The following CDH13 variants were observed in gnomAD, a reference collection of about 807,000 sequenced individuals.
The protein encoded by CDH13 is cadherin-13.
A neutral mutation model predicts 63.8 loss-of-function variants in CDH13; 24 were observed. The ratio of observed to expected loss-of-function variants is 0.38; its 90% CI spans 0.27 to 0.53. CDH13 has a LOEUF of 0.53. Among genes scored for constraint, CDH13 ranks in the 20% least tolerant of loss-of-function variants. The pLI, the probability that CDH13 is intolerant of heterozygous loss-of-function variation, is 0.85. For synonymous variants in CDH13, 503 were observed against 355.3 expected, an observed-to-expected ratio of 1.42 and a Z score of -4.67; for missense variants, 1,049 against 903.1, an observed-to-expected ratio of 1.16 and a Z score of -2.07.
intron 2 of CDH13, among the ~76,000 whole-genome samples, chr16:83,031,227 T>A (rs1479929134): frequency 6.8e-6 from 1 of 146,840 alleles, no homozygotes; most frequent in East Asian, 2.1e-4. Flanking sequence ...TACATGCGCA[T>A]GTATACACCA....
intron 1 of CDH13, among the ~76,000 whole-genome samples, chr16:82,749,469 C>G (rs1357240223): frequency 2.6e-5 from 4 of 152,136 alleles, no homozygotes; most frequent in Non-Finnish European, 5.9e-5. Context: ...TCACATATCT[C>G]CAGGTTCGGA....
At chr16:83,095,627 G>T (rs184758352) in intron 3 of CDH13, among the ~76,000 whole-genome samples, 1 of 152,148 alleles carries the variant, frequency 6.6e-6, no homozygotes, top group Admixed American at 6.5e-5. Flanking sequence ...AAAATCCTTG[G>T]CATATGGTAG....
At chr16:83,236,553 A>G (rs931573484) in intron 5 of CDH13, among the ~76,000 whole-genome samples, 3 of 152,162 alleles carry the variant, frequency 2.0e-5, no homozygotes, top group Non-Finnish European at 4.4e-5. Context: ...ATGGATGCCA[A>G]TGTGCCTTCC....
chr16:83,765,947 A>G (rs1914350859), intron 11 of CDH13, among the ~76,000 whole-genome samples: 1 of 152,178 alleles, frequency 6.6e-6, no homozygotes, highest in Non-Finnish European at 1.5e-5. Flanking sequence ...AAGGTTCAAC[A>G]GATGCACAGC....
chr16:83,592,413 T>C (rs1906846293), intron 7 of CDH13, among the ~76,000 whole-genome samples: 1 of 152,206 alleles, frequency 6.6e-6, no homozygotes. Context: ...TAGCAGTTAT[T>C]TGAGCCTAAT....
chr16:83,408,543 C>T (rs868165111), intron 6 of CDH13, among the ~76,000 whole-genome samples: 2 of 151,904 alleles, frequency 1.3e-5, no homozygotes, highest in South Asian at 2.1e-4. Context: ...GAAAAGATAC[C>T]ATAAAAATAC....
At chr16:83,116,018 C>G (rs995314174) in intron 3 of CDH13, among the ~76,000 whole-genome samples, 2 of 152,208 alleles carry the variant, frequency 1.3e-5, no homozygotes, top group Non-Finnish European at 1.5e-5. Flanking sequence ...AGGATCATTC[C>G]TCTCAAATCT....
intron 2 of CDH13, among the ~76,000 whole-genome samples, chr16:82,942,067 T>C (rs1412034071): frequency 6.6e-6 from 1 of 152,214 alleles, no homozygotes; most frequent in African/African-American, 2.4e-5. Flanking sequence ...TTATTTATTT[T>C]TCCTATCAGG....
At chr16:83,188,106 C>A (rs551847966) in intron 4 of CDH13, among the ~76,000 whole-genome samples, 2 of 152,206 alleles carry the variant, frequency 1.3e-5, no homozygotes, top group Admixed American at 1.3e-4. Context: ...TGGAGCCCAC[C>A]ATGAGGACTT....
chr16:83,737,102 T>A (rs1451002144), intron 10 of CDH13, among the ~76,000 whole-genome samples: 3 of 152,188 alleles, frequency 2.0e-5, no homozygotes, highest in African/African-American at 7.2e-5. Context: ...GCAGGCACGC[T>A]GGTAATTCAT....
chr16:83,046,663 C>T (rs920168654), intron 3 of CDH13, among the ~76,000 whole-genome samples: 1 of 152,142 alleles, frequency 6.6e-6, no homozygotes, highest in African/African-American at 2.4e-5. Context: ...GAAGGAGTAA[C>T]TACAGATATT....
At chr16:82,666,177 A>C (rs538285280) in intron 1 of CDH13, among the ~76,000 whole-genome samples, 1 of 152,156 alleles carries the variant, frequency 6.6e-6, no homozygotes, top group Non-Finnish European at 1.5e-5. Flanking sequence ...GAACCTGTTC[A>C]GGGAAGTTGG....
At chr16:83,611,990 T>C (rs1908900198) in intron 8 of CDH13, among the ~76,000 whole-genome samples, 1 of 152,052 alleles carries the variant, frequency 6.6e-6, no homozygotes, top group Non-Finnish European at 1.5e-5. Context: ...GTTAATTCTG[T>C]AGTTGTTTAG....
At chr16:83,114,180 G>C (rs1031116715) in intron 3 of CDH13, among the ~76,000 whole-genome samples, 10 of 152,274 alleles carry the variant, frequency 6.6e-5, no homozygotes, top group African/African-American at 1.9e-4. Context: ...TTCTTAGATG[G>C]TGATTCAGAT....
intron 3 of CDH13, among the ~76,000 whole-genome samples, chr16:83,067,332 A>C (rs369327045): frequency 1.8e-4 from 28 of 152,302 alleles, no homozygotes; most frequent in African/African-American, 6.3e-4. Context: ...CTACTTGTCT[A>C]CTACCATGCA....
chr16:82,824,438 A>G (rs1274839698), intron 1 of CDH13: 2 of 152,202 alleles, frequency 1.3e-5, no homozygotes, highest in African/African-American at 4.8e-5. Context: ...ATTAGAATAT[A>G]ATGAATTTGC....
intron 2 of CDH13, among the ~76,000 whole-genome samples, chr16:82,920,889 C>G (rs2042133776): frequency 6.6e-6 from 1 of 152,130 alleles, no homozygotes; most frequent in Admixed American, 6.5e-5. Flanking sequence ...TGCTCTTTAT[C>G]ATATTGAGTG....
chr16:83,581,462 C>G (rs995782844), intron 7 of CDH13, among the ~76,000 whole-genome samples: 8 of 152,206 alleles, frequency 5.3e-5, no homozygotes, highest in Non-Finnish European at 1.2e-4. Context: ...AAAATATCCA[C>G]ATCTCCTCCT....
chr16:83,647,938 C>T, intron 8 of CDH13, among the ~76,000 whole-genome samples: 1 of 152,132 alleles, frequency 6.6e-6, no homozygotes, highest in Non-Finnish European at 1.5e-5. Context: ...ATGCAAGATG[C>T]ATTACAAACC....
Sources: allele counts gnomAD v4.1 joint callset (sites outside exome capture counted in the v4.1 genomes callset), GRCh38; gene constraint gnomAD v4.1.1; transcripts MANE v1.5; gene names NCBI Gene and HGNC (gene_info 2026-07-23, HGNC 2026-07-21).